Variants in MORC4 observed in about 807,000 individuals in gnomAD.
MORC4 encodes MORC family CW-type zinc finger protein 4.
Under a neutral mutation model 65.5 loss-of-function variants are expected in MORC4, and 22 were observed. The observed-to-expected ratio is 0.34, with a 90% CI of 0.24 to 0.48. MORC4 has a LOEUF of 0.48. MORC4 is among the 20% of genes least tolerant of loss of function. The probability of loss-of-function intolerance (pLI) is 0.99; values close to 1 mark genes in which losing one functional copy is unlikely to be tolerated. For synonymous variants in MORC4, 267 were observed against 255.8 expected, an observed-to-expected ratio of 1.04 and a Z score of -0.42; for missense variants, 624 against 703.0, an observed-to-expected ratio of 0.89 and a Z score of 1.27.
chrX:106,978,588 G>A (rs896598333), intron 7 of MORC4, among the ~76,000 whole-genome samples: 3 of 108,798 alleles, frequency 2.8e-5, no homozygotes, highest in Non-Finnish European at 3.9e-5. Context: ...ATCAGGAAAC[G>A]CTCAGATTAT....
chrX:106,981,516 G>T, intron 5 of MORC4, 39 bp from the exon 6 acceptor site: 2 of 1,107,805 alleles, frequency 1.8e-6, no homozygotes, highest in Non-Finnish European at 2.4e-6. Flanking sequence ...ACAAAAACTG[G>T]CTCCAGAGGA....
chrX:106,990,232 T>TA (rs1300655252), intron 3 of MORC4, among the ~76,000 whole-genome samples: 2 of 110,209 alleles, frequency 1.8e-5, no homozygotes, highest in African/African-American at 3.3e-5. Flanking sequence ...AGGATTGGAC[T>TA]AAAAAATCTC....
intron 9 of MORC4, among the ~76,000 whole-genome samples, chrX:106,974,333 T>TA (rs1934580433): frequency 9.0e-6 from 1 of 111,651 alleles, no homozygotes. Context: ...GGCTCTACTC[T>TA]ACTCATTTAA....
chrX:106,951,171 C>G (rs2147805659), intron 14 of MORC4, among the ~76,000 whole-genome samples: 1 of 111,214 alleles, frequency 9.0e-6, no homozygotes, highest in East Asian at 2.8e-4. Context: ...ATTTCTACCC[C>G]TTGTTTGTTA....
intron 5 of MORC4, among the ~76,000 whole-genome samples, chrX:106,982,059 C>T (rs1033268519): frequency 1.8e-5 from 2 of 111,636 alleles, no homozygotes; most frequent in African/African-American, 6.5e-5. Flanking sequence ...TTTCTTGTTC[C>T]CATAATCTTT....
At chrX:106,992,737 T>C (rs962567781) in intron 3 of MORC4, among the ~76,000 whole-genome samples, 24 of 112,207 alleles carry the variant, frequency 2.1e-4, no homozygotes, top group Admixed American at 1.7e-3. Flanking sequence ...CCAACTCCAA[T>C]ACTTCTGATT....
intron 12 of MORC4, 110 bp from the exon 13 acceptor site, chrX:106,956,644 G>A (rs1306456444): frequency 4.3e-6 from 3 of 697,116 alleles, no homozygotes; most frequent in Non-Finnish European, 6.7e-6. Context: ...TACAAATACT[G>A]TGAGCCTCAT....
intron 14 of MORC4, among the ~76,000 whole-genome samples, chrX:106,948,468 G>A (rs943317880): frequency 2.7e-5 from 3 of 111,914 alleles, no homozygotes; most frequent in Admixed American, 9.5e-5. Context: ...AATAGAAAGA[G>A]GAAGAAATAT....
At chrX:106,998,155 C>T (rs1935111388) in intron 2 of MORC4, among the ~76,000 whole-genome samples, 1 of 111,996 alleles carries the variant, frequency 8.9e-6, no homozygotes, top group South Asian at 3.7e-4. Context: ...TGAAGGAAAA[C>T]CTAAAATGAA....
At chrX:106,999,613 C>T in intron 2 of MORC4, 64 bp downstream of exon 2, 1 of 1,041,330 alleles carries the variant, frequency 9.6e-7, no homozygotes, top group South Asian at 2.1e-5. Context: ...CCTCTCGCGT[C>T]CGCGGCACCA....
At chrX:106,993,551 T>C (rs1261488774) in intron 2 of MORC4, among the ~76,000 whole-genome samples, 189 bp from the exon 3 acceptor site, 3 of 112,316 alleles carry the variant, frequency 2.7e-5, no homozygotes, top group African/African-American at 9.7e-5. Flanking sequence ...TGATGCCAGA[T>C]TGAGTTCTAA....
At chrX:106,951,995 C>CAAAAAAAAAAAAAAAAAA (rs56864570) in intron 14 of MORC4, among the ~76,000 whole-genome samples, 1 of 31,669 alleles carries the variant, frequency 3.2e-5, no homozygotes, top group African/African-American at 1.2e-4. Flanking sequence ...GACTCTGCCG[C>CAAAAAAAAAAAAAAAAAA]AAAAAAAAAA....
chrX:106,942,456 T>C (rs1307616998), intron 15 of MORC4, 59 bp downstream of exon 15: 1 of 1,037,978 alleles, frequency 9.6e-7, no homozygotes, highest in Non-Finnish European at 1.3e-6. Flanking sequence ...AGGGCACCAA[T>C]GTCCCGCTCC....
chrX:106,944,756 G>A (rs1933782487), intron 14 of MORC4, among the ~76,000 whole-genome samples: 1 of 111,183 alleles, frequency 9.0e-6, no homozygotes, highest in East Asian at 2.8e-4. Flanking sequence ...TTTTCCCTAT[G>A]TTTCCTATTT....
At chrX:106,963,886 C>CAA (rs200832719) in intron 9 of MORC4, among the ~76,000 whole-genome samples, 5 of 100,446 alleles carry the variant, frequency 5.0e-5, no homozygotes, top group East Asian at 3.4e-4. Flanking sequence ...AAAACAACAA[C>CAA]AACAACAAAA....
chrX:106,945,532 G>A (rs1030213648), intron 14 of MORC4, among the ~76,000 whole-genome samples: 6 of 107,819 alleles, frequency 5.6e-5, no homozygotes, highest in African/African-American at 2.0e-4. Context: ...ATGCTAGATG[G>A]GGAGGAGGGA....
chrX:106,970,096 G>A (rs939684771), intron 9 of MORC4, among the ~76,000 whole-genome samples: 3 of 111,625 alleles, frequency 2.7e-5, no homozygotes, highest in African/African-American at 9.8e-5. Context: ...CTGGCAAACC[G>A]AATCCAGCAG....
chrX:106,972,683 A>C (rs778199965), intron 9 of MORC4, among the ~76,000 whole-genome samples: 15 of 111,907 alleles, frequency 1.3e-4, no homozygotes, highest in Admixed American at 1.9e-4. Flanking sequence ...TCACACCTGA[A>C]ATCCCAGCAC....
intron 12 of MORC4, 66 bp downstream of exon 12, chrX:106,956,870 G>A (rs187954912): frequency 2.6e-5 from 23 of 867,969 alleles, no homozygotes; most frequent in Middle Eastern, 2.8e-4. Flanking sequence ...CAAAACTCCC[G>A]TCCTGTAAGG....
Sources: gnomAD v4.1 joint callset for allele counts (sites outside exome capture counted in the v4.1 genomes callset) on GRCh38, gnomAD v4.1.1 for gene constraint, MANE v1.5 for transcripts, NCBI Gene and HGNC (gene_info 2026-07-23, HGNC 2026-07-21) for gene names.